The following DHX8 variants were observed in gnomAD, a reference collection of about 807,000 sequenced individuals.
DHX8 encodes the protein ATP-dependent RNA helicase DHX8.
Under a neutral mutation model 140.7 loss-of-function variants are expected in DHX8, and 67 were observed. That is an observed-to-expected ratio of 0.48 (90% CI 0.39 to 0.58). The LOEUF (loss-of-function observed/expected upper bound fraction) is 0.58. Among genes scored for constraint, DHX8 ranks in the 20% least tolerant of loss-of-function variants. The probability of loss-of-function intolerance (pLI) is 0.00; values close to 1 mark genes in which losing one functional copy is unlikely to be tolerated. For missense variants in DHX8, 887 were observed against 1,550.7 expected (o/e 0.57, Z 7.19); for synonymous variants, 533 against 553.2 (o/e 0.96, Z 0.51).
At chr17:43,533,362 G>A in intron 2 of DHX8, 2 of 1,606,796 alleles carry the variant, frequency 1.2e-6, no homozygotes, top group Non-Finnish European at 8.5e-7. Flanking sequence ...GAGTTGAGAA[G>A]GAGACAGGGG....
chr17:43,531,973 T>C (rs928557042), intron 2 of DHX8, among the ~76,000 whole-genome samples: 2 of 152,226 alleles, frequency 1.3e-5, no homozygotes, highest in Non-Finnish European at 2.9e-5. Context: ...TTAACTTCCC[T>C]ATTAAGTCAC....
chr17:43,488,527 C>T (rs1968312118), intron 1 of DHX8, among the ~76,000 whole-genome samples: 3 of 151,016 alleles, frequency 2.0e-5, no homozygotes, highest in Admixed American at 6.6e-5. Context: ...AGGAGAATGG[C>T]GTGAACCCGG....
At chr17:43,533,353 A>C (rs764874980) in intron 2 of DHX8, 4 of 1,611,394 alleles carry the variant, frequency 2.5e-6, no homozygotes. Context: ...TAGGCACTGG[A>C]GTTGAGAAGG....
chr17:43,526,217 G>GT, downstream of DHX8: 2 of 985,386 alleles, frequency 2.0e-6, no homozygotes, highest in South Asian at 9.4e-5. Flanking sequence ...CCTTGAACCA[G>GT]TATTTCCCAA....
chr17:43,530,605 C>CGT (rs1491056166), downstream of DHX8, among the ~76,000 whole-genome samples: 3 of 45,534 alleles, frequency 6.6e-5, no homozygotes, highest in African/African-American at 2.4e-4. Context: ...CCTGTGCACG[C>CGT]GCGCGTGTGT....
chr17:43,492,362 A>C, intron 5 of DHX8, 70 bp downstream of exon 5: 1 of 1,341,200 alleles, frequency 7.5e-7, no homozygotes, highest in Non-Finnish European at 1.1e-6. Context: ...GGACCAGCCA[A>C]GCAAAATTTT....
In DHX8 at chr17:43,524,303, TTTC is replaced by T. The variant is rs1349943262; in HGVS notation, c.*459_*461del. 1.0e-6 allele frequency: 1 copy of T among 1,004,218 alleles called. No homozygotes were observed. The highest frequency in any genetic ancestry group is 1.7e-5 in the African/African-American group (1 of 57,506). 62.2% of individuals were successfully genotyped at this position (1,004,218 alleles called of 1,614,324 possible). On this transcript the variant is annotated 3_prime_UTR_variant, in exon 23 of 23. Coordinates refer to ENST00000262415, the MANE Select transcript of DHX8 (RefSeq NM_004941.3). The stretch of plus-strand genomic sequence containing the variant: ...GGCTTGACCTCGTGGAAATATTTAT[TTTC>T]TTAAGGAAACAAAAATGGTTTTCTG...
Position 43,506,987 on chromosome 17 carries a change from A to G in DHX8, c.1729-16A>G. ...GGCAGATTTTAATGACCATATTTAT[A>G]TTCTGTTGCTTTCAGGCCGTCCATG... On this transcript the variant is annotated splice_polypyrimidine_tract_variant and intron_variant, in intron 12 of 22. Coordinates refer to ENST00000262415, the MANE Select transcript of DHX8 (RefSeq NM_004941.3). 1 of 1,561,202 alleles carries G rather than the reference A, an allele frequency of 6.4e-7. No individual in the cohort carries two copies. Among genetic ancestry groups the G allele is most frequent in the Non-Finnish European group, 8.7e-7 (1 of 1,152,512 alleles).
chr17:43,532,769 T>A (rs781057795), intron 2 of DHX8: 1 of 1,613,942 alleles, frequency 6.2e-7, no homozygotes, highest in African/African-American at 1.3e-5. Context: ...CACGGCTGGC[T>A]GGCCCGCCTG....
chr17:43,494,476 C>T (rs1173208516), intron 8 of DHX8, among the ~76,000 whole-genome samples: 1 of 152,054 alleles, frequency 6.6e-6, no homozygotes, highest in East Asian at 1.9e-4. Context: ...AATCCCAGCA[C>T]TTTGGGAAGC....
intron 2 of DHX8, among the ~76,000 whole-genome samples, 197 bp downstream of exon 2, chr17:43,489,731 C>T (rs905875592): frequency 4.6e-5 from 7 of 151,920 alleles, no homozygotes; most frequent in African/African-American, 1.7e-4. Context: ...GCTGGGACTA[C>T]AGGTGCCTGC....
At position 43,524,430 on chromosome 17, in the gene DHX8, T is replaced by A. The variant is rs530493347; in HGVS notation, c.*583T>A. The A allele has an allele frequency of 3.1e-5, 31 of 988,524 alleles. No individual in the cohort carries two copies. In the African/African-American group the frequency reaches 5.1e-4, roughly 16 times the overall value. 61.2% of individuals were successfully genotyped at this position (988,524 alleles called of 1,614,324 possible). ...TCTGGCACACATGATGAGAATCCCC[T>A]GAATCCCCTGAAACCAGAACGCAGG... On this transcript the variant is annotated 3_prime_UTR_variant, in exon 23 of 23. Coordinates refer to ENST00000262415, the MANE Select transcript of DHX8 (RefSeq NM_004941.3).
At chr17:43,513,285 C>G in intron 16 of DHX8, 77 bp from the exon 17 acceptor site, 2 of 1,476,902 alleles carry the variant, frequency 1.4e-6, no homozygotes, top group South Asian at 2.6e-5. Context: ...GGGAAGATAT[C>G]TGGGTTCAGA....
At chr17:43,538,939 C>T (rs1002821963) in intron 3 of DHX8, among the ~76,000 whole-genome samples, 1 of 152,092 alleles carries the variant, frequency 6.6e-6, no homozygotes, top group Non-Finnish European at 1.5e-5. Context: ...AACCTCCACA[C>T]CCCCGGCCTA....
intron 3 of DHX8, among the ~76,000 whole-genome samples, chr17:43,490,689 A>G (rs1968461055): frequency 6.6e-6 from 1 of 152,162 alleles, no homozygotes; most frequent in Admixed American, 6.6e-5. Flanking sequence ...CCTGGGCAAC[A>G]TAGAGAGACC....
chr17:43,533,140 G>GA, intron 2 of DHX8: 1 of 1,600,064 alleles, frequency 6.2e-7, no homozygotes, highest in Non-Finnish European at 8.5e-7. Context: ...CTCAGGAATT[G>GA]AAAAAACACC....
At chr17:43,529,789 T>TCCCA (rs891220860), downstream of DHX8, 11 of 1,598,418 alleles carry the variant, frequency 6.9e-6, no homozygotes, top group African/African-American at 1.5e-4. Context: ...TTTCTATGGG[T>TCCCA]CCCACCCTCT....
chr17:43,509,311 G>C (rs534673166), intron 16 of DHX8, among the ~76,000 whole-genome samples: 2 of 152,296 alleles, frequency 1.3e-5, no homozygotes, highest in Non-Finnish European at 2.9e-5. Flanking sequence ...CTGGAGACGA[G>C]CAAGTAGGGC....
chr17:43,522,513 C>T (rs1970423527), intron 22 of DHX8, among the ~76,000 whole-genome samples: 1 of 152,000 alleles, frequency 6.6e-6, no homozygotes. Context: ...CTTTGGGAGG[C>T]TGAGGTGGGC....
Sources: allele counts gnomAD v4.1 joint callset (sites outside exome capture counted in the v4.1 genomes callset), GRCh38; gene constraint gnomAD v4.1.1; transcripts MANE v1.5; gene names NCBI Gene and HGNC (gene_info 2026-07-23, HGNC 2026-07-21).